The following SLC39A11 variants were observed in gnomAD, a reference collection of about 807,000 sequenced individuals.
SLC39A11 encodes the protein zinc transporter ZIP11.
In SLC39A11, 33 loss-of-function variants were observed where a neutral mutation model predicts 36.1. That is an observed-to-expected ratio of 0.91 (90% CI 0.69 to 1.22). The LOEUF is 1.22. SLC39A11 is among the 50% of genes most tolerant of loss of function. The pLI is 0.00. For missense variants in SLC39A11, 432 were observed against 430.3 expected (o/e 1.00, Z -0.03); for synonymous variants, 166 against 170.3 (o/e 0.97, Z 0.20).
intron 7 of SLC39A11, among the ~76,000 whole-genome samples, chr17:72,673,998 A>G (rs2071140016): frequency 6.6e-6 from 1 of 151,962 alleles, no homozygotes; most frequent in African/African-American, 2.4e-5. Flanking sequence ...AACCTGGGAG[A>G]AGGAGGCTGC....
intron 3 of SLC39A11, among the ~76,000 whole-genome samples, chr17:73,046,752 G>C (rs1333663955): frequency 6.6e-6 from 1 of 151,886 alleles, no homozygotes; most frequent in Non-Finnish European, 1.5e-5. Context: ...GACCAGCCTG[G>C]GCAACATGGC....
chr17:72,936,747 TG>T (rs1450595889), intron 5 of SLC39A11, among the ~76,000 whole-genome samples: 3 of 147,318 alleles, frequency 2.0e-5, no homozygotes, highest in East Asian at 2.0e-4. Flanking sequence ...ACATAGGAGG[TG>T]GGGGGTAGGG....
chr17:72,835,852 C>A (rs959035075), intron 6 of SLC39A11, among the ~76,000 whole-genome samples: 3 of 152,196 alleles, frequency 2.0e-5, no homozygotes, highest in Non-Finnish European at 4.4e-5. Flanking sequence ...CTCTCATGAT[C>A]TCACCTAAGG....
In SLC39A11 at chr17:72,647,562, C is replaced by T. The variant is rs187520331; in HGVS notation, c.*22G>A. ...TGCTGTTTCTTCGTATGGCCTTTCC[C>T]GGGGTCCGAAGCGTCTCAGCCCTAG... On this transcript the variant is annotated 3_prime_UTR_variant, in exon 10 of 10. Coordinates refer to ENST00000255559, the MANE Select transcript of SLC39A11 (RefSeq NM_139177.4). 1.7e-5 allele frequency: 28 copies of T among 1,608,482 alleles called. No homozygotes were observed. The East Asian group carries it at 2.5e-4, about 14-fold the overall frequency.
intron 5 of SLC39A11, among the ~76,000 whole-genome samples, chr17:72,863,130 T>C (rs2080128556): frequency 6.6e-6 from 1 of 152,202 alleles, no homozygotes; most frequent in East Asian, 1.9e-4. Context: ...AGGAAACCCA[T>C]TAAAAATAAA....
chr17:72,824,147 G>A (rs948403948), intron 6 of SLC39A11, among the ~76,000 whole-genome samples: 8 of 151,206 alleles, frequency 5.3e-5, no homozygotes, highest in South Asian at 2.1e-4. Context: ...GGAGGGGCCC[G>A]GTGGGAGGTG....
At chr17:72,697,802 C>T (rs1012958227) in intron 7 of SLC39A11, among the ~76,000 whole-genome samples, 4 of 149,690 alleles carry the variant, frequency 2.7e-5, no homozygotes, top group Admixed American at 1.3e-4. Flanking sequence ...TCTGATTTGA[C>T]TGATACACTC....
chr17:72,763,787 A>T (rs1435520959), intron 6 of SLC39A11, among the ~76,000 whole-genome samples: 1 of 152,212 alleles, frequency 6.6e-6, no homozygotes, highest in Non-Finnish European at 1.5e-5. Flanking sequence ...TGGAGCGACC[A>T]GCTTCACTTG....
chr17:72,965,375 GC>G (rs2147975488), intron 4 of SLC39A11, among the ~76,000 whole-genome samples: 1 of 152,248 alleles, frequency 6.6e-6, no homozygotes, highest in South Asian at 2.1e-4. Context: ...GGCGTTTCAA[GC>G]TTTTTTGACT....
chr17:72,892,770 T>G (rs951883611), intron 5 of SLC39A11, among the ~76,000 whole-genome samples: 2 of 152,130 alleles, frequency 1.3e-5, no homozygotes, highest in South Asian at 4.1e-4. Flanking sequence ...ATTTCTGAAG[T>G]TTTTTAGAAA....
At chr17:72,931,880 A>G (rs377443679) in intron 5 of SLC39A11, among the ~76,000 whole-genome samples, 7 of 152,184 alleles carry the variant, frequency 4.6e-5, no homozygotes, top group African/African-American at 1.7e-4. Flanking sequence ...AGATGAACAA[A>G]GTCCACTGTG....
At chr17:72,833,829 T>C (rs954245943) in intron 6 of SLC39A11, among the ~76,000 whole-genome samples, 1 of 151,908 alleles carries the variant, frequency 6.6e-6, no homozygotes, top group African/African-American at 2.4e-5. Flanking sequence ...CCGGCACAAC[T>C]CGCAACCCAC....
chr17:72,985,601 C>A lies in SLC39A11; in HGVS notation c.307-37726G>T, dbSNP rs143443736. ...CTAATTTTGGTATTTTTAGGAGAGA[C>A]AGGGTTTCGCCATGTTGGCCAGGCT... On this transcript the variant is annotated intron_variant, in intron 4 of 9. Transcript: ENST00000255559. 2.8e-3 allele frequency among the ~76,000 whole-genome samples: 426 copies of A among 152,036 alleles called. 3 individuals are homozygous for A. Among genetic ancestry groups the A allele is most frequent in the Non-Finnish European group, 4.8e-3 (325 of 67,978 alleles).
intron 4 of SLC39A11, among the ~76,000 whole-genome samples, chr17:72,998,881 G>A (rs907504883): frequency 1.3e-5 from 2 of 152,222 alleles, no homozygotes; most frequent in African/African-American, 2.4e-5. Context: ...GGCGTTTTCC[G>A]CAGCCACAGA....
chr17:72,919,750 G>C (rs557674736), intron 5 of SLC39A11, among the ~76,000 whole-genome samples: 1 of 151,740 alleles, frequency 6.6e-6, no homozygotes, highest in Non-Finnish European at 1.5e-5. Context: ...ATGACCCCGC[G>C]TGGGGTGGAG....
chr17:72,687,485 C>T lies in SLC39A11; in HGVS notation c.672-38217G>A, dbSNP rs143498512. The stretch of plus-strand genomic sequence containing the variant: ...GTCTCGATCTCCTGACCTCTTGATC[C>T]ACCTGCCTCGACATCCCAAAGTGCT... On this transcript the variant is annotated intron_variant, in intron 7 of 9. Transcript: ENST00000255559. 6.0e-3 allele frequency among the ~76,000 whole-genome samples: 910 copies of T among 152,296 alleles called. 8 individuals carry two copies. Among genetic ancestry groups the T allele is most frequent in the African/African-American group, 0.021 (854 of 41,562 alleles).
intron 7 of SLC39A11, among the ~76,000 whole-genome samples, chr17:72,686,589 G>A (rs2071763492): frequency 1.2e-5 from 1 of 81,816 alleles, no homozygotes; most frequent in South Asian, 4.0e-4. Flanking sequence ...GTCCAGTGAG[G>A]GGGCTGAGTC....
At chr17:72,670,959 C>A (rs979608192) in intron 7 of SLC39A11, among the ~76,000 whole-genome samples, 3 of 152,166 alleles carry the variant, frequency 2.0e-5, no homozygotes, top group African/African-American at 4.8e-5. Context: ...ATGAAATATA[C>A]GTACACATAC....
intron 5 of SLC39A11, among the ~76,000 whole-genome samples, chr17:72,880,427 T>C (rs1436645873): frequency 1.3e-5 from 2 of 151,888 alleles, no homozygotes; most frequent in African/African-American, 4.8e-5. Flanking sequence ...AAAAAACCTG[T>C]TGGGCATGAT....
Sources: gnomAD v4.1 joint callset for allele counts (sites outside exome capture counted in the v4.1 genomes callset) on GRCh38, gnomAD v4.1.1 for gene constraint, MANE v1.5 for transcripts, NCBI Gene and HGNC (gene_info 2026-07-23, HGNC 2026-07-21) for gene names.